The following EYS variants were observed in gnomAD, a reference collection of about 807,000 sequenced individuals.
EYS encodes EGF-like photoreceptor maintenance factor.
In EYS, 250 loss-of-function variants were observed where a neutral mutation model predicts 282.1. That is an observed-to-expected ratio of 0.89 (90% CI 0.80 to 0.98). The LOEUF is 0.98. Among genes scored for constraint, EYS ranks in the 50% least tolerant of loss-of-function variants. EYS has a pLI of 0.00. For missense variants in EYS, 4,016 were observed against 3,709.0 expected, an observed-to-expected ratio of 1.08 and a Z score of -2.15; for synonymous variants, 1,355 against 1,282.9, an observed-to-expected ratio of 1.06 and a Z score of -1.20.
intron 19 of EYS, among the ~76,000 whole-genome samples, chr6:64,855,666 A>C (rs921765363): frequency 6.6e-6 from 1 of 152,132 alleles, no homozygotes; most frequent in Admixed American, 6.6e-5. Context: ...GGTTCTCTCT[A>C]TGGGTTGTAT....
chr6:64,652,903 T>G (rs1468385129), intron 22 of EYS, among the ~76,000 whole-genome samples: 2 of 152,200 alleles, frequency 1.3e-5, no homozygotes, highest in Admixed American at 6.5e-5. Flanking sequence ...TGTGTGTTTG[T>G]GCATTTTACA....
chr6:63,961,153 C>T (rs1293250370), intron 35 of EYS, among the ~76,000 whole-genome samples: 3 of 152,164 alleles, frequency 2.0e-5, no homozygotes, highest in Non-Finnish European at 2.9e-5. Context: ...AAGGTGCCAG[C>T]AGATTGTCTG....
chr6:65,155,572 C>G (rs115347688), intron 12 of EYS, among the ~76,000 whole-genome samples: 6,329 of 151,472 alleles, frequency 0.042, 237 homozygotes, highest in Non-Finnish European at 0.061. Context: ...GACTAGCTTT[C>G]TAGTCACTGT....
At chr6:64,688,262 G>A (rs933649863) in intron 22 of EYS, among the ~76,000 whole-genome samples, 1 of 151,260 alleles carries the variant, frequency 6.6e-6, no homozygotes, top group Non-Finnish European at 1.5e-5. Flanking sequence ...CTTTCCTTCT[G>A]CTAGCTTTTG....
intron 31 of EYS, among the ~76,000 whole-genome samples, chr6:64,090,956 G>C (rs897803242): frequency 1.2e-4 from 19 of 152,022 alleles, no homozygotes; most frequent in Non-Finnish European, 1.6e-4. Flanking sequence ...AATTTATTCT[G>C]TTTAAAGAGT....
chr6:64,578,649 T>A (rs1433719340), intron 26 of EYS, among the ~76,000 whole-genome samples: 1 of 151,830 alleles, frequency 6.6e-6, no homozygotes, highest in Non-Finnish European at 1.5e-5. Context: ...ATGCTTAGTG[T>A]TTATTATCTG....
intron 14 of EYS, among the ~76,000 whole-genome samples, chr6:64,990,183 A>C (rs1402624641): frequency 6.6e-6 from 1 of 151,592 alleles, no homozygotes; most frequent in Non-Finnish European, 1.5e-5. Flanking sequence ...AATTGCTAAA[A>C]TCAATCTGTT....
At chr6:64,102,907 A>G (rs892973677) in intron 31 of EYS, among the ~76,000 whole-genome samples, 4 of 151,850 alleles carry the variant, frequency 2.6e-5, no homozygotes, top group South Asian at 2.1e-4. Flanking sequence ...TTTTTTCATG[A>G]CTTCAAATAT....
At chr6:64,232,887 G>C (rs1430221756) in intron 30 of EYS, among the ~76,000 whole-genome samples, 1 of 152,094 alleles carries the variant, frequency 6.6e-6, no homozygotes, top group African/African-American at 2.4e-5. Flanking sequence ...TAGTCCTTGC[G>C]ATATAAGTTT....
intron 12 of EYS, among the ~76,000 whole-genome samples, chr6:65,120,538 T>G (rs1420720306): frequency 2.0e-5 from 3 of 151,460 alleles, no homozygotes; most frequent in South Asian, 2.1e-4. Context: ...TGTCACACAC[T>G]TTAATGCAAA....
intron 19 of EYS, among the ~76,000 whole-genome samples, chr6:64,861,183 G>T (rs567833916): frequency 6.6e-6 from 1 of 152,192 alleles, no homozygotes; most frequent in African/African-American, 2.4e-5. Context: ...GTGCGGAACT[G>T]CCCTTAGCCC....
intron 39 of EYS, among the ~76,000 whole-genome samples, chr6:63,784,606 T>G (rs1582204534): frequency 6.7e-6 from 1 of 148,904 alleles, no homozygotes; most frequent in East Asian, 2.0e-4. Flanking sequence ...AGGAAAAGAG[T>G]GAAGGGGGGT....
chr6:64,526,250 T>C (rs1582853640), intron 26 of EYS, among the ~76,000 whole-genome samples: 1 of 151,854 alleles, frequency 6.6e-6, no homozygotes. Context: ...CTCGTGGTGA[T>C]AGGAATGTTT....
chr6:63,756,540 G>A (rs1769489173), intron 41 of EYS, among the ~76,000 whole-genome samples: 1 of 152,078 alleles, frequency 6.6e-6, no homozygotes, highest in Non-Finnish European at 1.5e-5. Flanking sequence ...GTATTTTATT[G>A]AGGATTTTTG....
At chr6:64,592,081 G>A in intron 25 of EYS, 92 bp from the exon 26 acceptor site, 1 of 768,564 alleles carries the variant, frequency 1.3e-6, no homozygotes, top group Non-Finnish European at 2.0e-6. Context: ...AATTGCACTG[G>A]CACCTTACAT....
intron 18 of EYS, among the ~76,000 whole-genome samples, chr6:64,895,245 C>T (rs1767421485): frequency 6.6e-6 from 1 of 152,150 alleles, no homozygotes; most frequent in Non-Finnish European, 1.5e-5. Flanking sequence ...GGTTGGATCT[C>T]TATGAAGATA....
intron 12 of EYS, among the ~76,000 whole-genome samples, chr6:65,217,385 A>T (rs1284527460): frequency 6.6e-6 from 1 of 152,118 alleles, no homozygotes; most frequent in Non-Finnish European, 1.5e-5. Flanking sequence ...AGAAAAATGA[A>T]TTATACATTA....
intron 31 of EYS, among the ~76,000 whole-genome samples, chr6:64,139,333 G>GGA (rs1774262877): frequency 6.6e-6 from 1 of 152,088 alleles, no homozygotes; most frequent in Admixed American, 6.6e-5. Context: ...ACTTTAAAGG[G>GGA]GAGATATAAG....
intron 36 of EYS, among the ~76,000 whole-genome samples, chr6:63,814,991 T>C (rs1484334404): frequency 3.9e-5 from 6 of 152,214 alleles, no homozygotes; most frequent in African/African-American, 1.4e-4. Context: ...AATTTTCTCA[T>C]TTCTAACTCA....
Sources: gnomAD v4.1 joint callset for allele counts (sites outside exome capture counted in the v4.1 genomes callset) on GRCh38, gnomAD v4.1.1 for gene constraint, MANE v1.5 for transcripts, NCBI Gene and HGNC (gene_info 2026-07-23, HGNC 2026-07-21) for gene names.